The following RAI1 variants were observed in gnomAD, a reference collection of about 807,000 sequenced individuals.
RAI1 encodes the protein retinoic acid-induced protein 1.
Under a neutral mutation model 123.8 loss-of-function variants are expected in RAI1, and 9 were observed. That is an observed-to-expected ratio of 0.07 (90% CI 0.04 to 0.13). The LOEUF is 0.13. Ranked by LOEUF, RAI1 falls within the 10% of genes least tolerant of loss-of-function variation. The probability of loss-of-function intolerance (pLI) is 1.00; values close to 1 mark genes in which losing one functional copy is unlikely to be tolerated. For missense variants in RAI1, 2,256 were observed against 2,545.8 expected (o/e 0.89, Z 2.45); for synonymous variants, 1,231 against 1,127.3 (o/e 1.09, Z -1.84).
chr17:17,722,968 C>T (rs1019099719), intron 1 of RAI1, among the ~76,000 whole-genome samples: 1 of 152,140 alleles, frequency 6.6e-6, no homozygotes, highest in South Asian at 2.1e-4. Context: ...CCCCCACCCG[C>T]CAGGCCTCAG....
chr17:17,785,910 A>G (rs775962446), intron 2 of RAI1, among the ~76,000 whole-genome samples: 1 of 152,236 alleles, frequency 6.6e-6, no homozygotes, highest in African/African-American at 2.4e-5. Flanking sequence ...GATCAAATTC[A>G]GGCCACAGAC....
chr17:17,809,827 C>A lies in RAI1; in HGVS notation c.5710-143C>A. On this transcript the variant is annotated intron_variant, in intron 5 of 5. Transcript: ENST00000353383. This position sits in a 1 kb window ranked among gnomAD's most constrained non-coding sequence, Gnocchi z 4.9. Reference sequence around the variant, plus strand: ...CGGGGTGGGGCCAGAAGGGGTGGTGCCGACGGCCTCGGGCGGAGACCCCAG... The same window carrying A: ...CGGGGTGGGGCCAGAAGGGGTGGTGACGACGGCCTCGGGCGGAGACCCCAG... The A allele has an allele frequency of 1.8e-6, 2 of 1,130,132 alleles. No homozygotes were observed. The highest frequency in any genetic ancestry group is 2.6e-6 in the Non-Finnish European group (2 of 783,312). The allele number at this position is 1,130,132 out of a possible 1,614,324, so 70.0% of individuals were successfully genotyped here. A position where few individuals can be genotyped will look rare whatever the true frequency, so the allele number is the denominator to read the frequency against.
chr17:17,782,753 C>T (rs2031642539), intron 2 of RAI1, among the ~76,000 whole-genome samples: 2 of 151,956 alleles, frequency 1.3e-5, no homozygotes, highest in African/African-American at 4.8e-5. Context: ...GCCCGGCGAG[C>T]CGGGCGCACC....
rs57637022 is a variant in RAI1, at chr17:17,750,689, CAAAA to C, written c.-17+26551_-17+26554del. 1.4e-4 allele frequency among the ~76,000 whole-genome samples: 11 copies of C among 79,778 alleles called. No homozygotes were observed. In the South Asian group the frequency reaches 1.6e-3, roughly 11 times the overall value. 52.3% of individuals were successfully genotyped at this position (79,778 alleles called of 152,430 possible). On this transcript the variant is annotated intron_variant, in intron 2 of 5. Coordinates refer to ENST00000353383, the MANE Select transcript of RAI1 (RefSeq NM_030665.4). ...GAGATTGCACCATTGTACTCCGTCT[CAAAA>C]AAAAAAAAAAAAAAAAAAAAGAAAA...
At chr17:17,771,517 G>A (rs2031157487) in intron 2 of RAI1, among the ~76,000 whole-genome samples, 1 of 152,162 alleles carries the variant, frequency 6.6e-6, no homozygotes, top group Non-Finnish European at 1.5e-5. Flanking sequence ...ATCAACCTGG[G>A]GTGCATCCAG....
intron 1 of RAI1, among the ~76,000 whole-genome samples, chr17:17,720,396 T>G (rs889537289): frequency 2.6e-5 from 4 of 152,056 alleles, no homozygotes; most frequent in African/African-American, 7.2e-5. Context: ...GGCAGACTCT[T>G]GGTGAAAGGT....
intron 2 of RAI1, among the ~76,000 whole-genome samples, chr17:17,762,357 G>A (rs1358909361): frequency 2.0e-5 from 3 of 152,118 alleles, no homozygotes; most frequent in Non-Finnish European, 2.9e-5. Context: ...GCATGTGTGA[G>A]GAGCCAGTGG....
chr17:17,705,486 C>T (rs141801467), intron 1 of RAI1, among the ~76,000 whole-genome samples: 1,539 of 152,024 alleles, frequency 0.01, 15 homozygotes, highest in Non-Finnish European at 0.014. Flanking sequence ...TACAAAAATT[C>T]GGTGAGCTGA....
chr17:17,795,322 G>A lies in RAI1; in HGVS notation c.2374G>A (p.Gly792Ser), dbSNP rs768100354. The change falls in exon 3 of 6, where the codon GGC (glycine) becomes AGC (serine). Residue 792 changes from glycine (G) to serine (S), a missense_variant. Physicochemically the swap from Gly to Ser is moderately conservative, Grantham distance 56. Coordinates refer to ENST00000353383, the MANE Select transcript of RAI1 (RefSeq NM_030665.4). The surrounding 1 kb of genome is among the most constrained non-coding windows in gnomAD (Gnocchi z 5.9). ...CACCCATGAGGCTTCGGCCTGCCTG[G>A]GCTTCCAGGAGGAGGACCCCCCTGG... ...GDTHEASACL[G>S]FQEEDPPGEK... 1.6e-5 allele frequency: 26 copies of A among 1,604,688 alleles called. No individual in the cohort carries two copies. Among genetic ancestry groups the A allele is most frequent in the South Asian group, 5.5e-5 (5 of 90,810 alleles).
intron 2 of RAI1, among the ~76,000 whole-genome samples, chr17:17,747,440 G>T (rs2029971702): frequency 6.6e-6 from 1 of 152,226 alleles, no homozygotes; most frequent in South Asian, 2.1e-4. Context: ...CTGGGAAGGA[G>T]ACTGAAGCCT....
Position 17,694,262 on chromosome 17 carries a change from G to C in RAI1, c.-149+12469G>C, listed in dbSNP as rs367576286. On this transcript the variant is annotated intron_variant, in intron 1 of 5. Transcript: ENST00000353383. Reference sequence around the variant, plus strand: ...AATAACGGATGCCTGGGGTGTAGGTGGGCAGAGGCTGGCATCAGGCCTGAG... The same window carrying C: ...AATAACGGATGCCTGGGGTGTAGGTCGGCAGAGGCTGGCATCAGGCCTGAG... Among the ~76,000 whole-genome samples the C allele has an allele frequency of 1.2e-4, 18 of 152,288 alleles. No individual in the cohort carries two copies. In the East Asian group the frequency reaches 1.6e-3, roughly 13 times the overall value.
At chr17:17,747,250 A>C (rs1290722633) in intron 2 of RAI1, among the ~76,000 whole-genome samples, 2 of 151,942 alleles carry the variant, frequency 1.3e-5, no homozygotes, top group Non-Finnish European at 2.9e-5. Flanking sequence ...ACAGACCCCC[A>C]CACGTCACCT....
chr17:17,765,389 A>T (rs1265199801), intron 2 of RAI1, among the ~76,000 whole-genome samples: 4 of 152,228 alleles, frequency 2.6e-5, no homozygotes, highest in Admixed American at 2.0e-4. Context: ...CCACCTCAGA[A>T]TCCAGAAACA....
intron 2 of RAI1, among the ~76,000 whole-genome samples, chr17:17,733,607 C>T (rs756601405): frequency 1.3e-5 from 2 of 152,166 alleles, no homozygotes; most frequent in South Asian, 4.1e-4. Flanking sequence ...CCCCAGGTCC[C>T]AGTAAGGGCA....
Position 17,793,199 on chromosome 17 carries a change from C to T in RAI1, c.251C>T (p.Ala84Val). 6.2e-7 allele frequency: 1 copy of T among 1,612,744 alleles called. No individual in the cohort carries two copies. Among genetic ancestry groups the T allele is most frequent in the Non-Finnish European group, 8.5e-7 (1 of 1,179,706 alleles). Residue 84 changes from alanine (A) to valine (V), a missense_variant, in exon 3 of 6, where the codon GCC (alanine) becomes GTC (valine). Coordinates refer to ENST00000353383, the MANE Select transcript of RAI1 (RefSeq NM_030665.4). ...GACAAGTACCACCGAGGCAGCAAGG[C>T]CCTGCCCACACAGCAAGGCCTGCAG... ...AADKYHRGSK[A>V]LPTQQGLQGR...
At chr17:17,767,690 C>A (rs933687527) in intron 2 of RAI1, among the ~76,000 whole-genome samples, 3 of 152,238 alleles carry the variant, frequency 2.0e-5, no homozygotes, top group African/African-American at 7.2e-5. Flanking sequence ...CAGGGGTCAT[C>A]GCCCTCCCTA....
At chr17:17,741,154 C>T (rs912285186) in intron 2 of RAI1, among the ~76,000 whole-genome samples, 32 of 152,114 alleles carry the variant, frequency 2.1e-4, no homozygotes, top group African/African-American at 6.5e-4. Flanking sequence ...CACACTTAAG[C>T]GCACACGTAC....
chr17:17,707,280 G>GA (rs1204190139), intron 1 of RAI1, among the ~76,000 whole-genome samples: 8 of 152,126 alleles, frequency 5.3e-5, no homozygotes, highest in Non-Finnish European at 7.4e-5. Flanking sequence ...CCTTGTCTCT[G>GA]AAAATAACTA....
chr17:17,733,459 T>A (rs1272871860), intron 2 of RAI1, among the ~76,000 whole-genome samples: 1 of 152,178 alleles, frequency 6.6e-6, no homozygotes, highest in Non-Finnish European at 1.5e-5. Context: ...CAGATTCTGC[T>A]TGTTCTATAA....
Sources: allele counts gnomAD v4.1 joint callset (sites outside exome capture counted in the v4.1 genomes callset), GRCh38; gene constraint gnomAD v4.1.1; non-coding constraint Gnocchi (gnomAD v3.1); transcripts MANE v1.5; gene names NCBI Gene and HGNC (gene_info 2026-07-23, HGNC 2026-07-21).